Variants in NRG1 observed in about 807,000 individuals in gnomAD.
NRG1 encodes the protein neuregulin 1.
NRG1 carries 18 observed loss-of-function variants against 63.8 expected under a neutral mutation model. The observed-to-expected ratio is 0.28, with a 90% CI of 0.19 to 0.42. The LOEUF is 0.42. NRG1 is among the 10% of genes least tolerant of loss of function. NRG1 has a pLI of 1.00. For synonymous variants in NRG1, 302 were observed against 301.3 expected (o/e 1.00, Z -0.02); for missense variants, 762 against 814.7 (o/e 0.94, Z 0.79).
intron 1 of NRG1, among the ~76,000 whole-genome samples, chr8:31,849,120 T>A (rs973831241): frequency 1.3e-5 from 2 of 152,198 alleles, no homozygotes; most frequent in Non-Finnish European, 2.9e-5. Context: ...AGTGATAATC[T>A]ATATGCCCAT....
intron 1 of NRG1, among the ~76,000 whole-genome samples, chr8:31,854,409 G>A (rs995938235): frequency 1.3e-5 from 2 of 152,098 alleles, no homozygotes; most frequent in African/African-American, 2.4e-5. Context: ...AGAGGTGTTT[G>A]TAGTATTCTC....
At chr8:31,968,363 T>G (rs1806713878) in intron 1 of NRG1, among the ~76,000 whole-genome samples, 1 of 152,212 alleles carries the variant, frequency 6.6e-6, no homozygotes, top group Non-Finnish European at 1.5e-5. Context: ...CAGGGAGTGC[T>G]GACAAGTCTG....
rs1361353695 is a variant in NRG1 at position 32,508,768 on chromosome 8, C to T, written c.38-87060C>T. 2.0e-5 allele frequency among the ~76,000 whole-genome samples: 3 copies of T among 152,006 alleles called. No individual in the cohort carries two copies. In the East Asian group the frequency reaches 5.8e-4, roughly 29 times the overall value. ...TTTGTTTGTGTGAGACAGAGTCTCACTCCGTCACTCAGGCTGGAGTGCAGT... is the reference window on the plus strand; with the variant it reads ...TTTGTTTGTGTGAGACAGAGTCTCATTCCGTCACTCAGGCTGGAGTGCAGT... On this transcript the variant is annotated intron_variant, in intron 1 of 10. Coordinates refer to the NRG1 transcript ENST00000519301.
intron 1 of NRG1, among the ~76,000 whole-genome samples, chr8:32,184,116 C>T (rs1841725358): frequency 6.6e-6 from 1 of 151,680 alleles, no homozygotes; most frequent in Admixed American, 6.6e-5. Flanking sequence ...ATATATAGAT[C>T]ACGTAAATAT....
intron 5 of NRG1, among the ~76,000 whole-genome samples, chr8:32,649,724 T>A (rs1383336866): frequency 6.6e-6 from 1 of 152,128 alleles, no homozygotes; most frequent in African/African-American, 2.4e-5. Context: ...AAAAAAAAAG[T>A]CTTGTTTTCT....
chr8:32,276,339 C>T (rs1220556186), intron 1 of NRG1, among the ~76,000 whole-genome samples: 1 of 152,164 alleles, frequency 6.6e-6, no homozygotes, highest in East Asian at 1.9e-4. Context: ...ACATGATGTT[C>T]TTCAAGCTGA....
intron 1 of NRG1, among the ~76,000 whole-genome samples, 167 bp downstream of exon 1, chr8:32,548,993 GCCGCTCAC>G (rs1269843949): frequency 2.6e-5 from 4 of 152,188 alleles, no homozygotes; most frequent in Admixed American, 1.3e-4. Context: ...CCTGGGGGCC[GCCGCTCAC>G]CTGGGCGCCG....
At chr8:32,586,249 G>A (rs935559908) in intron 1 of NRG1, among the ~76,000 whole-genome samples, 2 of 137,004 alleles carry the variant, frequency 1.5e-5, no homozygotes, top group African/African-American at 5.3e-5. Flanking sequence ...TAAATAAAAA[G>A]GACTTTATTT....
chr8:32,371,767 C>T (rs1279066254), intron 1 of NRG1, among the ~76,000 whole-genome samples: 1 of 152,106 alleles, frequency 6.6e-6, no homozygotes, highest in African/African-American at 2.4e-5. Flanking sequence ...AATCCTCAAA[C>T]TAAGAATAGA....
intron 1 of NRG1, among the ~76,000 whole-genome samples, chr8:32,225,022 C>G (rs1846181524): frequency 6.6e-6 from 1 of 152,150 alleles, no homozygotes; most frequent in African/African-American, 2.4e-5. Context: ...GTGTAAGGTA[C>G]TATGCATTCC....
chr8:32,216,556 G>A (rs1332009903), intron 1 of NRG1, among the ~76,000 whole-genome samples: 1 of 149,666 alleles, frequency 6.7e-6, no homozygotes, highest in African/African-American at 2.4e-5. Context: ...TAGTTGGAAT[G>A]AGCCTATAAA....
intron 5 of NRG1, among the ~76,000 whole-genome samples, chr8:32,660,338 G>A (rs186219040): frequency 3.3e-5 from 5 of 152,230 alleles, no homozygotes; most frequent in South Asian, 2.1e-4. Flanking sequence ...TATCTCATTC[G>A]TATATTTATG....
chr8:32,449,252 G>A (rs543139902), intron 1 of NRG1, among the ~76,000 whole-genome samples: 1 of 152,036 alleles, frequency 6.6e-6, no homozygotes, highest in South Asian at 2.1e-4. Context: ...AGATGTGAGT[G>A]CACCACCATA....
chr8:32,568,610 C>A (rs1837918758), intron 1 of NRG1, among the ~76,000 whole-genome samples: 1 of 152,142 alleles, frequency 6.6e-6, no homozygotes, highest in Admixed American at 6.5e-5. Context: ...CCTGGCCTCA[C>A]CCCAGAGCTC....
At chr8:32,093,454 G>C (rs765882952) in intron 1 of NRG1, among the ~76,000 whole-genome samples, 2 of 152,238 alleles carry the variant, frequency 1.3e-5, no homozygotes, top group Non-Finnish European at 2.9e-5. Flanking sequence ...GTACAGGAAA[G>C]TGTATTTAAG....
intron 1 of NRG1, among the ~76,000 whole-genome samples, chr8:32,591,999 A>G (rs1842614425): frequency 6.6e-6 from 1 of 152,132 alleles, no homozygotes; most frequent in East Asian, 1.9e-4. Flanking sequence ...ACGCACACAC[A>G]GACACACATA....
chr8:32,515,932 T>A (rs1829780240), intron 1 of NRG1, among the ~76,000 whole-genome samples: 1 of 152,244 alleles, frequency 6.6e-6, no homozygotes, highest in Non-Finnish European at 1.5e-5. Flanking sequence ...GTCCCACTTG[T>A]CAATTTTGTT....
chr8:31,653,520 G>T (rs1805115019), intron 1 of NRG1, among the ~76,000 whole-genome samples: 1 of 152,134 alleles, frequency 6.6e-6, no homozygotes, highest in African/African-American at 2.4e-5. Context: ...GCTGAAATAG[G>T]CAGGGTTCCA....
chr8:32,244,742 T>G (rs763542481), intron 1 of NRG1, among the ~76,000 whole-genome samples: 5 of 152,166 alleles, frequency 3.3e-5, no homozygotes, highest in Non-Finnish European at 5.9e-5. Context: ...AAATAGTCTC[T>G]CAAGAGTTCT....
Sources: gnomAD v4.1 joint callset for allele counts (sites outside exome capture counted in the v4.1 genomes callset) on GRCh38, gnomAD v4.1.1 for gene constraint, MANE v1.5 for transcripts, NCBI Gene and HGNC (gene_info 2026-07-23, HGNC 2026-07-21) for gene names.